PDE7A: variants seen among roughly 807,000 people sequenced by gnomAD.
PDE7A encodes the protein high affinity 3',5'-cyclic-AMP phosphodiesterase 7A.
Under a neutral mutation model 64.3 loss-of-function variants are expected in PDE7A, and 39 were observed. The ratio of observed to expected loss-of-function variants is 0.61; its 90% CI spans 0.47 to 0.79. The LOEUF is 0.79. Ranked by LOEUF, PDE7A falls within the 30% of genes least tolerant of loss-of-function variation. PDE7A has a pLI of 0.00. For missense variants in PDE7A, 470 were observed against 582.8 expected (o/e 0.81, Z 1.99); for synonymous variants, 203 against 206.8 (o/e 0.98, Z 0.16).
chr8:65,734,401 G>A (rs1807034636), intron 7 of PDE7A, among the ~76,000 whole-genome samples: 1 of 152,170 alleles, frequency 6.6e-6, no homozygotes. Flanking sequence ...TTTTGGTCTT[G>A]ATACGATTTA....
intron 4 of PDE7A, 46 bp downstream of exon 4, chr8:65,747,606 T>TAATCAA: frequency 7.5e-7 from 1 of 1,326,558 alleles, no homozygotes; most frequent in Non-Finnish European, 1.1e-6. Context: ...AGGCCTTCAG[T>TAATCAA]AAACTTATCA....
At chr8:65,797,678 G>A (rs767423724) in intron 1 of PDE7A, among the ~76,000 whole-genome samples, 3 of 152,100 alleles carry the variant, frequency 2.0e-5, no homozygotes, top group Non-Finnish European at 4.4e-5. Context: ...ATTCAATGCA[G>A]TCTCAAAATC....
chr8:65,754,510 G>T (rs549894075), intron 3 of PDE7A, among the ~76,000 whole-genome samples: 1 of 151,310 alleles, frequency 6.6e-6, no homozygotes, highest in South Asian at 2.1e-4. Context: ...ACTAATTTTT[G>T]TATTTTTAGT....
chr8:65,805,269 T>C (rs57759707), intron 1 of PDE7A, among the ~76,000 whole-genome samples: 1 of 152,232 alleles, frequency 6.6e-6, no homozygotes, highest in African/African-American at 2.4e-5. Context: ...TACAAACTGG[T>C]ACCACAGTAG....
At chr8:65,763,281 A>C (rs1372142689) in intron 3 of PDE7A, among the ~76,000 whole-genome samples, 1 of 152,144 alleles carries the variant, frequency 6.6e-6, no homozygotes, top group Non-Finnish European at 1.5e-5. Context: ...ACCCTATAAA[A>C]AGGTTACATA....
chr8:65,726,871 C>G lies in PDE7A; in HGVS notation c.920+4G>C, dbSNP rs758152611. 1 of 1,522,178 alleles carries G rather than the reference C, an allele frequency of 6.6e-7. No individual in the cohort carries two copies. The highest frequency in any genetic ancestry group is 1.4e-5 in the African/African-American group (1 of 72,970). The allele number at this position is 1,522,178 out of a possible 1,614,324, so 94.3% of individuals were successfully genotyped here. ...CAAATTAAATTTGTCTTAATCCAAC[C>G]TACCTGCTTTCTAATGGCAGATGTG... On this transcript the variant is annotated splice_donor_region_variant and intron_variant, in intron 9 of 12. Coordinates refer to ENST00000401827, the MANE Select transcript of PDE7A (RefSeq NM_001242318.3).
At chr8:65,723,378 T>C in intron 12 of PDE7A, 163 bp downstream of exon 12, 1 of 573,442 alleles carries the variant, frequency 1.7e-6, no homozygotes, top group Non-Finnish European at 2.6e-6. Flanking sequence ...TAAATGAGAA[T>C]TAGAAGAGCC....
chr8:65,724,789 A>C lies in PDE7A; in HGVS notation c.1053T>G (p.His351Gln), dbSNP rs1311573921. The change falls in exon 10 of 13, where the codon CAT becomes CAG. Residue 351 changes from histidine (H) to glutamine (Q), a missense_variant. His to Gln is a conservative substitution (Grantham distance 24). Coordinates refer to ENST00000401827, the MANE Select transcript of PDE7A (RefSeq NM_001242318.3). ...DLCLEDTRHR[H>Q]LVLQMALKCA... ...AGCCCCATTTTACCTGTAAAACCAA[A>C]TGTCTGTGTCTGGTGTCTTCTAGGC... is the stretch of plus-strand genomic sequence containing the variant. The C allele has an allele frequency of 1.9e-6, 3 of 1,604,232 alleles. No individual in the cohort carries two copies. In the Admixed American group the frequency reaches 5.1e-5, roughly 27 times the overall value.
chr8:65,837,890 A>C (rs1014900805), intron 1 of PDE7A, among the ~76,000 whole-genome samples: 1 of 152,216 alleles, frequency 6.6e-6, no homozygotes, highest in Non-Finnish European at 1.5e-5. Context: ...CGGCACTCAG[A>C]AAGTTTCCCT....
At chr8:65,830,716 T>C (rs1444124583) in intron 1 of PDE7A, among the ~76,000 whole-genome samples, 1 of 152,132 alleles carries the variant, frequency 6.6e-6, no homozygotes, top group Non-Finnish European at 1.5e-5. Flanking sequence ...ACACAGAGCA[T>C]TATGGACATA....
intron 3 of PDE7A, among the ~76,000 whole-genome samples, chr8:65,772,319 G>C (rs1809122471): frequency 6.6e-6 from 1 of 152,144 alleles, no homozygotes; most frequent in Admixed American, 6.5e-5. Context: ...TGTATCATTA[G>C]GGAAAATAGT....
intron 3 of PDE7A, among the ~76,000 whole-genome samples, chr8:65,779,234 G>GT (rs965034582): frequency 2.0e-5 from 3 of 152,020 alleles, no homozygotes; most frequent in African/African-American, 2.4e-5. Flanking sequence ...TAGAAGTTCT[G>GT]TTTTTTCCCC....
intron 3 of PDE7A, among the ~76,000 whole-genome samples, 180 bp downstream of exon 3, chr8:65,779,540 T>G (rs1809350661): frequency 6.6e-6 from 1 of 152,222 alleles, no homozygotes. Flanking sequence ...CTCTTCTAAT[T>G]GTCTCTAAGT....
At chr8:65,760,409 T>C (rs1052121549) in intron 3 of PDE7A, among the ~76,000 whole-genome samples, 1 of 152,212 alleles carries the variant, frequency 6.6e-6, no homozygotes, top group African/African-American at 2.4e-5. Context: ...GCAGTAAAGA[T>C]CCTTATAACT....
chr8:65,727,445 G>T, intron 7 of PDE7A, 144 bp from the exon 8 acceptor site: 1 of 1,176,756 alleles, frequency 8.5e-7, no homozygotes, highest in Non-Finnish European at 1.2e-6. Context: ...TGTTCATTAG[G>T]TTCACCAAGC....
rs73693416 is a variant in PDE7A at position 65,781,939 on chromosome 8, A to G, written c.199+844T>C. Among the ~76,000 whole-genome samples the G allele has an allele frequency of 9.1e-3, 1,385 of 152,322 alleles. 16 individuals carry two copies. Among genetic ancestry groups the G allele is most frequent in the African/African-American group, 0.03 (1,250 of 41,560 alleles). ...GGAGTAGAAAAGAACTGAGGCAGGT[A>G]AGACACACAAGATAAAATAAAGAGG... On this transcript the variant is annotated intron_variant, in intron 2 of 12. Coordinates refer to ENST00000401827, the MANE Select transcript of PDE7A (RefSeq NM_001242318.3).
At position 65,727,194 on chromosome 8, in the gene PDE7A, G is replaced by C. The variant is rs1409060169; in HGVS notation, c.804C>G (p.Asn268Lys). The C allele has an allele frequency of 1.2e-6, 2 of 1,608,286 alleles. No individual in the cohort carries two copies. Among genetic ancestry groups the C allele is most frequent in the Non-Finnish European group, 1.7e-6 (2 of 1,175,014 alleles). Residue 268 changes from asparagine to lysine, a missense_variant, in exon 8 of 13, where the codon AAC becomes AAG. Physicochemically the swap from Asn to Lys is moderately conservative, Grantham distance 94. Coordinates refer to ENST00000401827, the MANE Select transcript of PDE7A (RefSeq NM_001242318.3). ...CCTTGTATAAAGTTGCCAAGTAATGGTTAGTTTTAATAAGGAAAGGTTGAT... is the reference window on the plus strand; with the variant it reads ...CCTTGTATAAAGTTGCCAAGTAATGCTTAGTTTTAATAAGGAAAGGTTGAT... ...GVNQPFLIKT[N>K]HYLATLYKNT...
intron 3 of PDE7A, among the ~76,000 whole-genome samples, chr8:65,750,455 T>C (rs563788664): frequency 2.0e-5 from 3 of 151,020 alleles, no homozygotes; most frequent in Admixed American, 1.3e-4. Context: ...ACTGTATGTA[T>C]ATATGTAAAT....
At chr8:65,821,338 G>A (rs1810536647) in intron 1 of PDE7A, among the ~76,000 whole-genome samples, 1 of 152,072 alleles carries the variant, frequency 6.6e-6, no homozygotes, top group Non-Finnish European at 1.5e-5. Flanking sequence ...GCTGTGAAAA[G>A]CATAGCTTCT....
Sources: allele counts gnomAD v4.1 joint callset (sites outside exome capture counted in the v4.1 genomes callset), GRCh38; gene constraint gnomAD v4.1.1; transcripts MANE v1.5; gene names NCBI Gene and HGNC (gene_info 2026-07-23, HGNC 2026-07-21).